The following WNK1 variants were observed in gnomAD, a reference collection of about 807,000 sequenced individuals.
WNK1 encodes the protein WNK lysine deficient protein kinase 1, also known as serine/threonine-protein kinase WNK1.
Under a neutral mutation model 222.8 loss-of-function variants are expected in WNK1, and 38 were observed. That is an observed-to-expected ratio of 0.17 (90% CI 0.13 to 0.22). The LOEUF is 0.22. WNK1 is among the 10% of genes least tolerant of loss of function. WNK1 has a pLI of 1.00. For synonymous variants in WNK1, 1,090 were observed against 1,092.9 expected, an observed-to-expected ratio of 1.00 and a Z score of 0.05; for missense variants, 2,348 against 2,918.4, an observed-to-expected ratio of 0.80 and a Z score of 4.50.
Position 896,196 on chromosome 12 carries a change from C to G in WNK1, c.5709C>G (p.Thr1903=), listed in dbSNP as rs772030663. ...SVLSSSSPES[T]LVKPEPNGIT... is the part of the protein sequence containing the mutation. ...TATCAAGTAGTAGTCCAGAGAGTAC[C>G]TTGGTGAAACCAGAGCCGAATGGCA... Residue 1903 remains threonine (T), a synonymous_variant, in exon 24 of 28, where the codon ACC becomes ACG. Coordinates refer to ENST00000315939, the MANE Select transcript of WNK1 (RefSeq NM_018979.4). The G allele has an allele frequency of 6.2e-7, 1 of 1,614,060 alleles. No individual in the cohort carries two copies. Among genetic ancestry groups the G allele is most frequent in the African/African-American group, 1.3e-5 (1 of 74,906 alleles).
At chr12:822,138 G>T (rs138751700) in intron 2 of WNK1, among the ~76,000 whole-genome samples, 1 of 117,202 alleles carries the variant, frequency 8.5e-6, no homozygotes, top group Non-Finnish European at 1.6e-5. Context: ...CTGTTGCCCA[G>T]ACTGGAGTGC....
intron 25 of WNK1, among the ~76,000 whole-genome samples, chr12:899,245 A>G: frequency 6.6e-6 from 1 of 152,172 alleles, no homozygotes; most frequent in Admixed American, 6.5e-5. Context: ...GCCCATTAGT[A>G]GAGATGTGAT....
intron 1 of WNK1, among the ~76,000 whole-genome samples, chr12:762,977 C>T (rs1299128206): frequency 1.4e-5 from 2 of 146,452 alleles, no homozygotes; most frequent in Non-Finnish European, 3.0e-5. Flanking sequence ...AACTCCCGAC[C>T]TCAGGCGATC....
At chr12:883,607 A>C in intron 16 of WNK1, 39 bp downstream of exon 16, 1 of 1,613,328 alleles carries the variant, frequency 6.2e-7, no homozygotes, top group South Asian at 1.1e-5. Flanking sequence ...TTGTTGATTT[A>C]AAATATTTTC....
chr12:871,155 A>C (rs1450080896), intron 8 of WNK1, 110 bp from the exon 9 acceptor site: 1 of 1,063,136 alleles, frequency 9.4e-7, no homozygotes, highest in Non-Finnish European at 1.4e-6. Context: ...TTAATGTTTC[A>C]TTTTGATCAA....
At chr12:754,404 T>C (rs1403293624) in intron 1 of WNK1, 80 bp downstream of exon 1, 5 of 1,578,820 alleles carry the variant, frequency 3.2e-6, no homozygotes. Flanking sequence ...GAGTTCACCC[T>C]TCACTTGGCA....
At position 880,029 on chromosome 12, in the gene WNK1, C is replaced by T; in HGVS notation, c.2830C>T (p.Gln944Ter). 1 of 1,613,968 alleles carries T rather than the reference C, an allele frequency of 6.2e-7. No individual in the cohort carries two copies. The highest frequency in any genetic ancestry group is 8.5e-7 in the Non-Finnish European group (1 of 1,179,992). Residue 944 changes from glutamine (Q) to a stop codon, truncating the protein, a stop_gained and splice_region_variant, in exon 11 of 28, where the codon CAG becomes TAG. Transcript: ENST00000315939. LOFTEE classifies it high-confidence loss of function. ...VPLSSGDVLY[Q>*]GFPPRLPPQY... ...ACTTTCCTCTGGAGATGTTCTGTACCAGGTATTGTGTTAGTTAGCAAAAGA... is the reference window on the plus strand; with the variant it reads ...ACTTTCCTCTGGAGATGTTCTGTACTAGGTATTGTGTTAGTTAGCAAAAGA...
At chr12:826,523 C>T (rs1591881561) in intron 2 of WNK1, among the ~76,000 whole-genome samples, 1 of 152,182 alleles carries the variant, frequency 6.6e-6, no homozygotes, top group Admixed American at 6.5e-5. Context: ...ATTTTGATTG[C>T]TCTCCAGAGC....
At position 880,789 on chromosome 12, in the gene WNK1, T is replaced by A; in HGVS notation, c.2901T>A (p.Ala967=). 1.2e-6 allele frequency: 2 copies of A among 1,614,068 alleles called. No homozygotes were observed. The highest frequency in any genetic ancestry group is 1.7e-6 in the Non-Finnish European group (2 of 1,180,008). The change falls in exon 12 of 28, where the codon GCT becomes GCA. Residue 967 remains alanine (A), a synonymous_variant. Transcript: ENST00000315939. ...DSNIAPSSNV[A]SVCIHSTVLS... is the part of the protein sequence containing the mutation. ...ATATTGCTCCCTCTTCCAACGTGGC[T>A]TCTGTTTGCATCCATTCTACAGTCC...
intron 2 of WNK1, among the ~76,000 whole-genome samples, chr12:818,993 A>G (rs1341277611): frequency 6.6e-6 from 1 of 152,162 alleles, no homozygotes; most frequent in African/African-American, 2.4e-5. Flanking sequence ...TAGGAATGGA[A>G]TTGCTGAGTC....
At chr12:843,283 T>C (rs1949768889) in intron 4 of WNK1, among the ~76,000 whole-genome samples, 3 of 152,308 alleles carry the variant, frequency 2.0e-5, no homozygotes, top group South Asian at 4.1e-4. Flanking sequence ...TCCTTTACAC[T>C]CTTTAAAGTT....
chr12:866,785 T>G (rs1406267335), intron 8 of WNK1, among the ~76,000 whole-genome samples: 1 of 152,218 alleles, frequency 6.6e-6, no homozygotes, highest in Non-Finnish European at 1.5e-5. Context: ...TCATTTATAT[T>G]ACCCTTTTCA....
At chr12:800,327 T>G (rs908963249) in intron 1 of WNK1, among the ~76,000 whole-genome samples, 9 of 152,248 alleles carry the variant, frequency 5.9e-5, no homozygotes, top group Middle Eastern at 3.4e-3. Context: ...TTTGATCACC[T>G]TTTTATTTGG....
At chr12:851,683 G>T in intron 4 of WNK1, 1 of 1,321,784 alleles carries the variant, frequency 7.6e-7, no homozygotes, top group Non-Finnish European at 9.9e-7. Flanking sequence ...AATCTGTTTT[G>T]CCTTTTCTGA....
At chr12:813,507 C>T in intron 1 of WNK1, 135 bp from the exon 2 acceptor site, 1 of 876,272 alleles carries the variant, frequency 1.1e-6, no homozygotes, top group Non-Finnish European at 1.8e-6. Flanking sequence ...CCAAATCTAT[C>T]ATTTATAACT....
Position 885,854 on chromosome 12 carries a change from A to G in WNK1, c.5050A>G (p.Ile1684Val), listed in dbSNP as rs770568108. 7.1e-5 allele frequency: 114 copies of G among 1,614,000 alleles called. No individual in the cohort carries two copies. The African/African-American group carries it at 1.4e-3, about 19-fold the overall frequency. The change falls in exon 19 of 28, where the codon ATA becomes GTA. Residue 1684 changes from isoleucine to valine, a missense_variant. Ile to Val is a conservative substitution (Grantham distance 29). Coordinates refer to ENST00000315939, the MANE Select transcript of WNK1 (RefSeq NM_018979.4). Reference sequence around the variant, plus strand: ...TGTCTCACTGGAGACCTCACTAGTCATAGAGAGCACTGTCACACCAGGCAT... The same window carrying G: ...TGTCTCACTGGAGACCTCACTAGTCGTAGAGAGCACTGTCACACCAGGCAT... The part of the protein sequence containing the change: ...ASVSLETSLV[I>V]ESTVTPGIPT...
At chr12:838,714 C>T (rs1437644152) in intron 4 of WNK1, among the ~76,000 whole-genome samples, 1 of 152,150 alleles carries the variant, frequency 6.6e-6, no homozygotes, top group Non-Finnish European at 1.5e-5. Flanking sequence ...CTGTGCCAGC[C>T]TGTGTCTTCT....
intron 1 of WNK1, among the ~76,000 whole-genome samples, chr12:811,061 G>A (rs1376220249): frequency 1.3e-5 from 2 of 152,128 alleles, no homozygotes; most frequent in African/African-American, 4.8e-5. Flanking sequence ...GCTGCAATTG[G>A]GATAGTATAG....
At chr12:869,297 C>T (rs1245383883) in intron 8 of WNK1, 2 of 721,538 alleles carry the variant, frequency 2.8e-6, no homozygotes, top group African/African-American at 3.5e-5. Context: ...AGAGAAGCTA[C>T]CTGATTTACC....
Sources: gnomAD v4.1 joint callset for allele counts (sites outside exome capture counted in the v4.1 genomes callset) on GRCh38, gnomAD v4.1.1 for gene constraint, MANE v1.5 for transcripts, NCBI Gene and HGNC (gene_info 2026-07-23, HGNC 2026-07-21) for gene names.